Variants in HNRNPLL observed in about 807,000 individuals in gnomAD.
The protein encoded by HNRNPLL is heterogeneous nuclear ribonucleoprotein L-like.
In HNRNPLL, 25 loss-of-function variants were observed where a neutral mutation model predicts 67.1. That is an observed-to-expected ratio of 0.37 (90% CI 0.27 to 0.52). HNRNPLL has a LOEUF of 0.52. Among genes scored for constraint, HNRNPLL ranks in the 20% least tolerant of loss-of-function variants. HNRNPLL has a pLI of 0.90. For missense variants in HNRNPLL, 542 were observed against 673.9 expected (o/e 0.80, Z 2.17); for synonymous variants, 267 against 241.7 (o/e 1.10, Z -0.97).
rs577576379 is a variant in HNRNPLL, at chr2:38,597,028, TTTTA to T, written c.190-5384_190-5381del. On this transcript the variant is annotated intron_variant, in intron 1 of 12. Transcript: ENST00000449105. ...GGGACAAACTCTTAATAATACAATA[TTTTA>T]TTTATTTTTTATTTTTTCACAACTC... Among the ~76,000 whole-genome samples, 434 of 152,318 alleles carry T rather than the reference TTTTA, an allele frequency of 2.8e-3. 2 individuals are homozygous for T. The highest frequency in any genetic ancestry group is 9.8e-3 in the African/African-American group (407 of 41,568).
intron 7 of HNRNPLL, among the ~76,000 whole-genome samples, chr2:38,574,094 G>A (rs746230489): frequency 6.6e-6 from 1 of 151,850 alleles, no homozygotes; most frequent in African/African-American, 2.4e-5. Flanking sequence ...TATTTCAGCA[G>A]AAAAACACAC....
chr2:38,594,139 C>T (rs981541559), intron 1 of HNRNPLL, among the ~76,000 whole-genome samples: 1 of 152,108 alleles, frequency 6.6e-6, no homozygotes, highest in African/African-American at 2.4e-5. Flanking sequence ...TGCGCCACTG[C>T]ACTCCAGCCT....
At position 38,569,423 on chromosome 2, in the gene HNRNPLL, A is replaced by G. The variant is rs547879839; in HGVS notation, c.1215-89T>C. ...CAGAATGCTAATATATTTTGCTTGC[A>G]TAAATCTTAACCAAAAAAAGGCATA... On this transcript the variant is annotated intron_variant, in intron 9 of 12. Transcript: ENST00000449105. The G allele has an allele frequency of 5.1e-5, 47 of 927,220 alleles. No homozygotes were observed. The African/African-American group carries it at 5.3e-4, about 10-fold the overall frequency. 57.4% of individuals were successfully genotyped at this position (927,220 alleles called of 1,614,324 possible).
At chr2:38,597,691 ATTTT>A (rs5830538) in intron 1 of HNRNPLL, among the ~76,000 whole-genome samples, 1 of 143,360 alleles carries the variant, frequency 7.0e-6, no homozygotes. Flanking sequence ...AACTTTTTTT[ATTTT>A]TTTTTTTTTT....
intron 1 of HNRNPLL, among the ~76,000 whole-genome samples, chr2:38,599,633 A>G (rs1205246162): frequency 6.6e-6 from 1 of 152,198 alleles, no homozygotes. Context: ...TCTCATATCC[A>G]AAGTATTAAC....
At chr2:38,592,765 T>G (rs113689169) in intron 1 of HNRNPLL, among the ~76,000 whole-genome samples, 1 of 152,230 alleles carries the variant, frequency 6.6e-6, no homozygotes, top group East Asian at 1.9e-4. Context: ...TCTTGCATCG[T>G]AACTTCAGAA....
chr2:38,594,898 C>T (rs74333980), intron 1 of HNRNPLL, among the ~76,000 whole-genome samples: 1 of 151,988 alleles, frequency 6.6e-6, no homozygotes, highest in Non-Finnish European at 1.5e-5. Flanking sequence ...GAACTGAGAT[C>T]ACATCATTGT....
intron 8 of HNRNPLL, 96 bp downstream of exon 8, chr2:38,573,114 A>G: frequency 1.3e-6 from 1 of 764,958 alleles, no homozygotes. Context: ...AAGAATTTGG[A>G]TATTCCTGAT....
chr2:38,586,307 T>TA (rs1452668281), intron 2 of HNRNPLL, among the ~76,000 whole-genome samples: 1 of 152,020 alleles, frequency 6.6e-6, no homozygotes, highest in Non-Finnish European at 1.5e-5. Flanking sequence ...AGGCATGAGG[T>TA]AAGTCAACTC....
chr2:38,596,180 T>C (rs887551275), intron 1 of HNRNPLL, among the ~76,000 whole-genome samples: 7 of 152,162 alleles, frequency 4.6e-5, no homozygotes, highest in African/African-American at 1.2e-4. Flanking sequence ...TTCCCCCTTT[T>C]CCCCCAAAAT....
chr2:38,569,588 C>T (rs527609251), intron 9 of HNRNPLL, among the ~76,000 whole-genome samples: 10 of 152,160 alleles, frequency 6.6e-5, no homozygotes, highest in East Asian at 3.9e-4. Flanking sequence ...CATTTTAACA[C>T]GTTTTATCAT....
intron 1 of HNRNPLL, among the ~76,000 whole-genome samples, chr2:38,598,744 G>T (rs1339213816): frequency 6.6e-6 from 1 of 152,196 alleles, no homozygotes; most frequent in Non-Finnish European, 1.5e-5. Flanking sequence ...CTGGCTCTAT[G>T]AACAGCTCTT....
chr2:38,602,719 C>T lies in HNRNPLL; in HGVS notation c.-93G>A. The T allele has an allele frequency of 6.9e-7, 1 of 1,440,142 alleles. No individual in the cohort carries two copies. The highest frequency in any genetic ancestry group is 9.1e-7 in the Non-Finnish European group (1 of 1,099,118). 89.2% of individuals were successfully genotyped at this position (1,440,142 alleles called of 1,614,324 possible). A position where few individuals can be genotyped will look rare whatever the true frequency, so the allele number is the denominator to read the frequency against. ...GCCGGCCAGTCCTCGCCGCCGGCAG[C>T]GCCTCTTCTGCGAGGGTCTCCGCGG... On this transcript the variant is annotated 5_prime_UTR_variant, in exon 1 of 13. Coordinates refer to ENST00000449105, the MANE Select transcript of HNRNPLL (RefSeq NM_138394.4).
intron 3 of HNRNPLL, 26 bp from the exon 4 acceptor site, chr2:38,583,952 T>C: frequency 9.4e-7 from 1 of 1,068,198 alleles, no homozygotes; most frequent in Non-Finnish European, 1.4e-6. Flanking sequence ...AAAAGATTTC[T>C]TCACACTTTA....
intron 3 of HNRNPLL, 22 bp downstream of exon 3, chr2:38,585,622 T>C (rs1173353776): frequency 6.9e-7 from 1 of 1,439,066 alleles, no homozygotes; most frequent in Non-Finnish European, 9.8e-7. Context: ...TTTAATTTCA[T>C]TTGTCATATT....
chr2:38,595,701 G>A (rs12621788), intron 1 of HNRNPLL, among the ~76,000 whole-genome samples: 2,219 of 152,152 alleles, frequency 0.015, 27 homozygotes, highest in South Asian at 0.065. Flanking sequence ...AAAATTAGCC[G>A]GGCGTGGTGG....
rs750041143 is a variant in HNRNPLL at position 38,602,807 on chromosome 2, AG to A, written c.-182del. 3 of 1,543,982 alleles carry A rather than the reference AG, an allele frequency of 1.9e-6. No homozygotes were observed. Among genetic ancestry groups the A allele is most frequent in the African/African-American group, 2.8e-5 (2 of 71,868 alleles). ...GCGGCTGAGAAGCGCGGACGGACTG[AG>A]GGGGGCGCCCCGGGAGGAAGCTCTG... is the stretch of plus-strand genomic sequence containing the variant. On this transcript the variant is annotated 5_prime_UTR_variant, in exon 1 of 13. Transcript: ENST00000449105.
In HNRNPLL at chr2:38,576,268, A is replaced by T. The variant is rs181618671; in HGVS notation, c.874+1193T>A. 4.6e-5 allele frequency among the ~76,000 whole-genome samples: 7 copies of T among 151,858 alleles called. 1 individual carries two copies. Among genetic ancestry groups the T allele is most frequent in the Admixed American group, 4.6e-4 (7 of 15,230 alleles). ...TTCAGCTGACTGCCATGACTCTACA[A>T]CTATACTACAAACTTGTAATGGCAA... is the stretch of plus-strand genomic sequence containing the variant. On this transcript the variant is annotated intron_variant, in intron 7 of 12. Coordinates refer to ENST00000449105, the MANE Select transcript of HNRNPLL (RefSeq NM_138394.4).
Position 38,568,283 on chromosome 2 carries a change from G to T in HNRNPLL, c.1489C>A (p.Leu497Ile), listed in dbSNP as rs1285299318. ...CACTCCCATTCTAATAGCCCAGAAA[G>T]TGTTTTGGCTGAAGCTAAAACAAAA... ...VFDAKPSAKTLSGLLEWECKT... is the reference protein window; with the variant it reads ...VFDAKPSAKTISGLLEWECKT... Residue 497 changes from leucine to isoleucine, a missense_variant, in exon 12 of 13, where the codon CTT becomes ATT. Transcript: ENST00000449105. 6.2e-7 allele frequency: 1 copy of T among 1,613,240 alleles called. No individual in the cohort carries two copies. Among genetic ancestry groups the T allele is most frequent in the Non-Finnish European group, 8.5e-7 (1 of 1,179,418 alleles).
Sources: allele counts gnomAD v4.1 joint callset (sites outside exome capture counted in the v4.1 genomes callset), GRCh38; gene constraint gnomAD v4.1.1; transcripts MANE v1.5; gene names NCBI Gene and HGNC (gene_info 2026-07-23, HGNC 2026-07-21).